The following ROBO2 variants were observed in gnomAD, a reference collection of about 807,000 sequenced individuals.
The protein encoded by ROBO2 is roundabout homolog 2.
Under a neutral mutation model 160.8 loss-of-function variants are expected in ROBO2, and 53 were observed. The ratio of observed to expected loss-of-function variants is 0.33; its 90% CI spans 0.26 to 0.41. ROBO2 has a LOEUF of 0.41. ROBO2 is among the 10% of genes least tolerant of loss of function. ROBO2 has a pLI of 1.00. For synonymous variants in ROBO2, 664 were observed against 611.7 expected (o/e 1.09, Z -1.26); for missense variants, 1,577 against 1,722.4 (o/e 0.92, Z 1.49).
chr3:76,119,293 T>C (rs2070617583), intron 2 of ROBO2, among the ~76,000 whole-genome samples: 1 of 152,154 alleles, frequency 6.6e-6, no homozygotes, highest in African/African-American at 2.4e-5. Flanking sequence ...AATGGTGTGT[T>C]TTCTGTTCAA....
chr3:76,845,340 TGAAA>T (rs1383352168), intron 2 of ROBO2, among the ~76,000 whole-genome samples: 1 of 152,034 alleles, frequency 6.6e-6, no homozygotes, highest in South Asian at 2.1e-4. Flanking sequence ...ATCTGTGATT[TGAAA>T]GACTGTTCTT....
At chr3:76,802,084 C>T (rs1430797100) in intron 2 of ROBO2, among the ~76,000 whole-genome samples, 1 of 152,090 alleles carries the variant, frequency 6.6e-6, no homozygotes. Flanking sequence ...CACTGCTCAC[C>T]AGCTCACCAT....
At chr3:76,992,949 C>T (rs2060776968) in intron 2 of ROBO2, among the ~76,000 whole-genome samples, 1 of 152,070 alleles carries the variant, frequency 6.6e-6, no homozygotes, top group South Asian at 2.1e-4. Context: ...TTCTGAATAA[C>T]TGGGATTACA....
chr3:76,983,689 G>T (rs1245788726), intron 2 of ROBO2, among the ~76,000 whole-genome samples: 1 of 152,130 alleles, frequency 6.6e-6, no homozygotes, highest in Admixed American at 6.5e-5. Flanking sequence ...CCTATTATAT[G>T]ATAGACAATA....
intron 2 of ROBO2, among the ~76,000 whole-genome samples, chr3:76,666,122 G>A (rs2092037190): frequency 6.7e-6 from 1 of 148,936 alleles, no homozygotes; most frequent in Non-Finnish European, 1.5e-5. Context: ...TGTAAATATA[G>A]CTATTGTAGA....
intron 2 of ROBO2, among the ~76,000 whole-genome samples, chr3:75,946,473 G>T (rs901318957): frequency 5.3e-5 from 8 of 152,024 alleles, no homozygotes; most frequent in African/African-American, 1.9e-4. Flanking sequence ...CAAAGCAATG[G>T]TGTGAAGGGC....
At chr3:77,497,196 G>A (rs1247155147) in intron 5 of ROBO2, among the ~76,000 whole-genome samples, 1 of 152,066 alleles carries the variant, frequency 6.6e-6, no homozygotes, top group Non-Finnish European at 1.5e-5. Flanking sequence ...TCACAATTGA[G>A]TATTTCAGGA....
exon 20 of ROBO2, chr3:77,602,212 G>A (rs2094442878): frequency 1.9e-6 from 3 of 1,614,106 alleles, no homozygotes; most frequent in East Asian, 2.2e-5. Context: ...CACCACAGAT[G>A]TGCTGCCACC....
intron 2 of ROBO2, among the ~76,000 whole-genome samples, chr3:76,458,619 C>A (rs913819035): frequency 6.6e-6 from 1 of 151,974 alleles, no homozygotes; most frequent in African/African-American, 2.4e-5. Context: ...ACCAATTTAC[C>A]GTATTATTCT....
chr3:77,101,720 G>A (rs1301051564), intron 2 of ROBO2, among the ~76,000 whole-genome samples: 1 of 152,108 alleles, frequency 6.6e-6, no homozygotes, highest in African/African-American at 2.4e-5. Flanking sequence ...GAAGTGGCAA[G>A]AATAATCAAG....
At chr3:77,527,970 G>A (rs1341756459) in intron 6 of ROBO2, among the ~76,000 whole-genome samples, 1 of 151,560 alleles carries the variant, frequency 6.6e-6, no homozygotes, top group Non-Finnish European at 1.5e-5. Context: ...GGATAGTGGA[G>A]CTGTGTTCTT....
intron 2 of ROBO2, among the ~76,000 whole-genome samples, chr3:76,057,012 G>A (rs2107848350): frequency 6.6e-6 from 1 of 152,238 alleles, no homozygotes; most frequent in East Asian, 1.9e-4. Context: ...TGAATATTCT[G>A]TCTACTTAAC....
intron 2 of ROBO2, among the ~76,000 whole-genome samples, chr3:76,981,065 A>G (rs745359162): frequency 1.3e-5 from 2 of 152,142 alleles, no homozygotes; most frequent in African/African-American, 4.8e-5. Flanking sequence ...TGGAAATAAC[A>G]TATTTTGTTT....
rs1577953502 is a variant in ROBO2, at chr3:76,971,956, T to G, written c.110-126058T>G. On this transcript the variant is annotated intron_variant, in intron 2 of 26. Coordinates refer to the ROBO2 transcript ENST00000487694. Reference sequence around the variant, plus strand: ...GGATAATTAACCTGTTCTCATAATATCCTTACCAAATTTTATTTTGATCAT... The same window carrying G: ...GGATAATTAACCTGTTCTCATAATAGCCTTACCAAATTTTATTTTGATCAT... Among the ~76,000 whole-genome samples, 3 of 152,318 alleles carry G rather than the reference T, an allele frequency of 2.0e-5. No individual in the cohort carries two copies. In the South Asian group the frequency reaches 6.2e-4, roughly 32 times the overall value.
chr3:76,256,299 G>GTCTCTCTCTC lies in ROBO2; in HGVS notation c.109+318742_109+318751dup, dbSNP rs372215718. Among the ~76,000 whole-genome samples the GTCTCTCTCTC allele has an allele frequency of 1.7e-3, 153 of 92,546 alleles. 1 individual carries two copies. The highest frequency in any genetic ancestry group is 2.8e-3 in the African/African-American group (75 of 26,474). 60.7% of individuals were successfully genotyped at this position (92,546 alleles called of 152,430 possible). ...CACTGCAGCCTGGGTGACAGAGTGA[G>GTCTCTCTCTC]TCTCTCTCTCTCTCTCTCTCTCTCT... On this transcript the variant is annotated intron_variant, in intron 2 of 26. Transcript: ENST00000487694.
At chr3:77,173,978 C>T (rs1429802130) in intron 2 of ROBO2, among the ~76,000 whole-genome samples, 5 of 152,040 alleles carry the variant, frequency 3.3e-5, no homozygotes, top group African/African-American at 9.7e-5. Flanking sequence ...ATCCTGGACT[C>T]TCCACATGTG....
intron 21 of ROBO2, among the ~76,000 whole-genome samples, chr3:77,609,543 T>G (rs2094585949): frequency 1.3e-5 from 2 of 151,872 alleles, no homozygotes; most frequent in Admixed American, 6.6e-5. Flanking sequence ...TTGGAGGGTT[T>G]TTTTTCCCAT....
intron 2 of ROBO2, among the ~76,000 whole-genome samples, chr3:76,382,703 C>T (rs2076697677): frequency 6.6e-6 from 1 of 152,120 alleles, no homozygotes; most frequent in Admixed American, 6.5e-5. Flanking sequence ...TAGGGAATGT[C>T]TACATTGAAT....
chr3:76,336,101 C>G (rs1182315647), intron 2 of ROBO2, among the ~76,000 whole-genome samples: 2 of 152,108 alleles, frequency 1.3e-5, no homozygotes, highest in Admixed American at 6.6e-5. Context: ...TAGCATTTGC[C>G]TGTATTCTTG....
Sources: gnomAD v4.1 joint callset for allele counts (sites outside exome capture counted in the v4.1 genomes callset) on GRCh38, gnomAD v4.1.1 for gene constraint, MANE v1.5 for transcripts, NCBI Gene and HGNC (gene_info 2026-07-23, HGNC 2026-07-21) for gene names.